TXNRD1: variants seen among roughly 807,000 people sequenced by gnomAD.
The protein encoded by TXNRD1 is thioredoxin reductase 1.
In TXNRD1, 57 loss-of-function variants were observed where a neutral mutation model predicts 80.3. The observed-to-expected ratio is 0.71, with a 90% confidence interval of 0.57 to 0.89. TXNRD1 has a LOEUF of 0.89. TXNRD1 is among the 40% of genes least tolerant of loss of function. The pLI is 0.00. For synonymous variants in TXNRD1, 291 were observed against 285.2 expected (o/e 1.02, Z -0.20); for missense variants, 730 against 803.0 (o/e 0.91, Z 1.10).
At chr12:104,305,107 G>A (rs1374594823) in intron 4 of TXNRD1, 1 of 653,420 alleles carries the variant, frequency 1.5e-6, no homozygotes, top group Non-Finnish European at 2.4e-6. Context: ...ATAAGGTCAT[G>A]ATCTTCTGTT....
intron 13 of TXNRD1, among the ~76,000 whole-genome samples, chr12:104,331,029 G>A (rs578072813): frequency 3.6e-4 from 55 of 151,432 alleles, no homozygotes; most frequent in African/African-American, 1.2e-3. Flanking sequence ...GTAATATATC[G>A]TACTATATAT....
At chr12:104,216,911 G>T (rs551337419) in intron 1 of TXNRD1, among the ~76,000 whole-genome samples, 2 of 152,232 alleles carry the variant, frequency 1.3e-5, no homozygotes, top group Non-Finnish European at 2.9e-5. Context: ...AGGGCTAAAA[G>T]GAGTGGTAAA....
rs1593725453 is a variant in TXNRD1 at position 104,265,767 on chromosome 12, G to A, written c.304+7688G>A. 2.5e-6 allele frequency: 4 copies of A among 1,585,802 alleles called. No homozygotes were observed. In the African/African-American group the frequency reaches 4.0e-5, roughly 16 times the overall value. ...TCCACGACTCCAAGATCAAGTTCCC[G>A]CTGCCCCACCGGGTCCTGCGCCGTC... On this transcript the variant is annotated intron_variant, in intron 3 of 16. Coordinates refer to ENST00000525566, the MANE Select transcript of TXNRD1 (RefSeq NM_001093771.3).
chr12:104,237,810 C>A (rs921934388), intron 1 of TXNRD1, among the ~76,000 whole-genome samples: 7 of 151,986 alleles, frequency 4.6e-5, no homozygotes, highest in Non-Finnish European at 1.0e-4. Flanking sequence ...ATCAGAAGTT[C>A]GAGACCAGCC....
intron 7 of TXNRD1, among the ~76,000 whole-genome samples, chr12:104,317,014 T>C (rs1293094420): frequency 3.3e-5 from 5 of 152,242 alleles, no homozygotes; most frequent in Admixed American, 1.3e-4. Context: ...TTTTACTTCC[T>C]ACTTAAAATA....
At chr12:104,278,778 G>A (rs1207472871) in intron 3 of TXNRD1, among the ~76,000 whole-genome samples, 1 of 152,198 alleles carries the variant, frequency 6.6e-6, no homozygotes, top group Non-Finnish European at 1.5e-5. Flanking sequence ...TGGGATTACA[G>A]GCGTGAGCCA....
At chr12:104,315,126 C>G (rs2035278440) in intron 6 of TXNRD1, among the ~76,000 whole-genome samples, 1 of 152,238 alleles carries the variant, frequency 6.6e-6, no homozygotes, top group Non-Finnish European at 1.5e-5. Flanking sequence ...TCAGTTACCT[C>G]TGCATAGATT....
chr12:104,344,517 CACA>C (rs2036432958), intron 16 of TXNRD1, among the ~76,000 whole-genome samples: 2 of 150,208 alleles, frequency 1.3e-5, no homozygotes, highest in Admixed American at 6.6e-5. Flanking sequence ...TGTTTTGAAA[CACA>C]GAGTTTATAG....
At chr12:104,314,138 A>T (rs1040988852) in intron 6 of TXNRD1, among the ~76,000 whole-genome samples, 3 of 152,154 alleles carry the variant, frequency 2.0e-5, no homozygotes, top group African/African-American at 7.2e-5. Flanking sequence ...GTAGTGTGAG[A>T]TGAGACCAGA....
rs2034350117 is a variant in TXNRD1, at chr12:104,294,239, C to CCG, written c.414+5200_414+5201insGC. 4.9e-5 allele frequency among the ~76,000 whole-genome samples: 6 copies of CCG among 123,034 alleles called. 2 individuals are homozygous for CCG. Among genetic ancestry groups the CCG allele is most frequent in the Non-Finnish European group, 8.9e-5 (5 of 56,040 alleles). The allele number at this position is 123,034 out of a possible 152,430, so 80.7% of individuals were successfully genotyped here. ...TAAACTCCCCCGGGGAAAGGCCCCC[C>CCG]CCCCCGCCGCCGGCTTTCCCGGTCT... On this transcript the variant is annotated intron_variant, in intron 4 of 16. Transcript: ENST00000525566.
rs373593847 is a variant in TXNRD1, at chr12:104,339,143, G to A, written c.1751G>A (p.Arg584His). The part of the protein sequence containing the change: ...KIICNTKDNE[R>H]VVGFHVLGPN... ...TTGTATTTTTTTTTGCCTTAGGAAC[G>A]TGTTGTGGGCTTTCACGTACTGGGT... The change falls in exon 16 of 17, where the codon CGT (arginine) becomes CAT (histidine). Residue 584 changes from arginine (R) to histidine (H), a missense_variant. Arg to His is a conservative substitution (Grantham distance 29). Transcript: ENST00000525566. The A allele has an allele frequency of 2.6e-5, 42 of 1,613,014 alleles. No individual in the cohort carries two copies. Among genetic ancestry groups the A allele is most frequent in the African/African-American group, 1.5e-4 (11 of 74,818 alleles).
At chr12:104,254,306 T>A (rs2033191192) in intron 2 of TXNRD1, among the ~76,000 whole-genome samples, 1 of 152,154 alleles carries the variant, frequency 6.6e-6, no homozygotes, top group Non-Finnish European at 1.5e-5. Context: ...TTTTTCCTTT[T>A]CCTATCAGGA....
intron 4 of TXNRD1, among the ~76,000 whole-genome samples, chr12:104,292,143 C>A (rs905478790): frequency 2.6e-5 from 4 of 152,192 alleles, no homozygotes; most frequent in Non-Finnish European, 4.4e-5. Flanking sequence ...GCAAAACCTA[C>A]CCTGCTTTCA....
At chr12:104,324,770 T>C (rs1004504054) in intron 10 of TXNRD1, among the ~76,000 whole-genome samples, 1 of 152,226 alleles carries the variant, frequency 6.6e-6, no homozygotes, top group Non-Finnish European at 1.5e-5. Flanking sequence ...GCTCATTTCT[T>C]TCTGCATCCT....
At chr12:104,254,644 A>AAATATATATATATATATATATATAT in intron 2 of TXNRD1, among the ~76,000 whole-genome samples, 9 of 93,632 alleles carry the variant, frequency 9.6e-5, no homozygotes, top group African/African-American at 2.1e-4. Context: ...AAAAAAAAAA[A>AAATATATATATATATATATATATAT]ATATATATAT....
chr12:104,312,222 A>C (rs1316988116), intron 5 of TXNRD1, among the ~76,000 whole-genome samples: 1 of 152,146 alleles, frequency 6.6e-6, no homozygotes. Flanking sequence ...CTTTTTGTAT[A>C]TGTGAGGTTA....
intron 10 of TXNRD1, among the ~76,000 whole-genome samples, chr12:104,325,033 G>T (rs567348673): frequency 6.6e-6 from 1 of 152,258 alleles, no homozygotes; most frequent in East Asian, 1.9e-4. Flanking sequence ...GTAAGTCATT[G>T]GTTTGATTTT....
intron 4 of TXNRD1, chr12:104,291,200 T>C: frequency 3.4e-6 from 1 of 295,374 alleles, no homozygotes; most frequent in Non-Finnish European, 6.2e-6. Context: ...TTGTGTCTTT[T>C]TTTTTTTTTT....
At chr12:104,325,313 A>G (rs1275630763) in intron 10 of TXNRD1, 24 bp from the exon 11 acceptor site, 12 of 1,561,752 alleles carry the variant, frequency 7.7e-6, no homozygotes, top group Non-Finnish European at 1.1e-5. Flanking sequence ...TTTATTTCAC[A>G]GTAAAACTTT....
Sources: allele counts gnomAD v4.1 joint callset (sites outside exome capture counted in the v4.1 genomes callset), GRCh38; gene constraint gnomAD v4.1.1; transcripts MANE v1.5; gene names NCBI Gene and HGNC (gene_info 2026-07-23, HGNC 2026-07-21).